Variants in LMO7 observed in about 807,000 individuals in gnomAD.
LMO7 encodes LIM domain 7, also known as LIM domain only protein 7.
Under a neutral mutation model 206.5 loss-of-function variants are expected in LMO7, and 120 were observed. The ratio of observed to expected loss-of-function variants is 0.58; its 90% confidence interval spans 0.50 to 0.68. LMO7 has a LOEUF of 0.68. Among genes scored for constraint, LMO7 ranks in the 30% least tolerant of loss-of-function variants. The pLI, the probability that LMO7 is intolerant of heterozygous loss-of-function variation, is 0.00. For missense variants in LMO7, 1,959 were observed against 1,957.9 expected, an observed-to-expected ratio of 1.00 and a Z score of -0.01; for synonymous variants, 706 against 681.5, an observed-to-expected ratio of 1.04 and a Z score of -0.56.
intron 27 of LMO7, among the ~76,000 whole-genome samples, chr13:75,850,098 A>G (rs2060363768): frequency 6.6e-6 from 1 of 152,212 alleles, no homozygotes. Flanking sequence ...AGCCTGGATG[A>G]CGGAGCAAGA....
intron 2 of LMO7, among the ~76,000 whole-genome samples, chr13:75,717,340 G>T (rs1172552929): frequency 2.8e-5 from 4 of 143,874 alleles, no homozygotes; most frequent in Admixed American, 1.4e-4. Context: ...TCCAGCCTGG[G>T]CAACAGAGTG....
chr13:75,699,835 G>T (rs540890812), intron 1 of LMO7, among the ~76,000 whole-genome samples: 9 of 152,138 alleles, frequency 5.9e-5, no homozygotes, highest in Non-Finnish European at 1.2e-4. Context: ...ACTAGAATTC[G>T]CCAGGCTGGA....
intron 1 of LMO7, among the ~76,000 whole-genome samples, chr13:75,678,548 T>C (rs1566301530): frequency 6.6e-6 from 1 of 152,148 alleles, no homozygotes; most frequent in African/African-American, 2.4e-5. Context: ...ATGGTGGCCC[T>C]TGAGAGATGG....
At chr13:75,781,687 C>A (rs1176265104) in intron 4 of LMO7, among the ~76,000 whole-genome samples, 1 of 150,402 alleles carries the variant, frequency 6.6e-6, no homozygotes, top group Non-Finnish European at 1.5e-5. Flanking sequence ...GTTCTAGATC[C>A]CTGAGGAATC....
chr13:75,716,004 C>T (rs2043501016), intron 2 of LMO7, among the ~76,000 whole-genome samples: 1 of 152,190 alleles, frequency 6.6e-6, no homozygotes, highest in Non-Finnish European at 1.5e-5. Context: ...AACCTGAATT[C>T]ATTTTCGTAC....
chr13:75,664,735 G>T (rs1340172378), intron 1 of LMO7, among the ~76,000 whole-genome samples: 11 of 152,192 alleles, frequency 7.2e-5, no homozygotes, highest in Non-Finnish European at 1.5e-4. Flanking sequence ...TAACTGGTGT[G>T]AGATGATCTC....
intron 1 of LMO7, among the ~76,000 whole-genome samples, chr13:75,681,679 GA>G (rs1184167678): frequency 2.3e-5 from 3 of 131,216 alleles, no homozygotes; most frequent in Non-Finnish European, 4.8e-5. Context: ...GTCTTTTGGG[GA>G]ATGTCATGTA....
chr13:75,738,240 C>T (rs1225214673), intron 3 of LMO7, among the ~76,000 whole-genome samples: 2 of 152,262 alleles, frequency 1.3e-5, no homozygotes, highest in Admixed American at 6.5e-5. Flanking sequence ...TTACTCCTTT[C>T]TTACATCCTT....
chr13:75,852,745 G>C (rs769045815), intron 27 of LMO7, among the ~76,000 whole-genome samples: 2 of 152,178 alleles, frequency 1.3e-5, no homozygotes, highest in African/African-American at 2.4e-5. Context: ...TTGTATACTT[G>C]ACACTTTGTT....
At chr13:75,797,329 G>A (rs1047740030) in intron 6 of LMO7, among the ~76,000 whole-genome samples, 3 of 152,154 alleles carry the variant, frequency 2.0e-5, no homozygotes, top group Non-Finnish European at 4.4e-5. Context: ...TTCATATTTT[G>A]CAATCAATGT....
intron 1 of LMO7, among the ~76,000 whole-genome samples, chr13:75,702,552 C>G (rs1405544779): frequency 6.6e-6 from 1 of 152,076 alleles, no homozygotes; most frequent in Non-Finnish European, 1.5e-5. Flanking sequence ...AGTACAATGC[C>G]AAATCTTAAT....
chr13:75,846,728 A>G (rs1354799353), intron 26 of LMO7, among the ~76,000 whole-genome samples: 31 of 152,188 alleles, frequency 2.0e-4, no homozygotes, highest in Non-Finnish European at 2.8e-4. Context: ...AAGCTCTTGG[A>G]TAGCAGGCAG....
intron 29 of LMO7, 70 bp from the exon 30 acceptor site, chr13:75,856,436 C>G (rs769206297): frequency 2.5e-5 from 22 of 867,044 alleles, no homozygotes; most frequent in East Asian, 7.3e-5. Flanking sequence ...ATTTCCCCCC[C>G]ACCCCCAGGA....
intron 1 of LMO7, among the ~76,000 whole-genome samples, chr13:75,690,500 T>C (rs1316296833): frequency 6.6e-6 from 1 of 152,196 alleles, no homozygotes; most frequent in African/African-American, 2.4e-5. Flanking sequence ...CACCAATGTA[T>C]TTGAATAAAT....
At chr13:75,827,145 T>C (rs2058191492) in intron 15 of LMO7, among the ~76,000 whole-genome samples, 1 of 152,188 alleles carries the variant, frequency 6.6e-6, no homozygotes, top group Non-Finnish European at 1.5e-5. Flanking sequence ...CTTTGTACAT[T>C]CTTACACATA....
intron 3 of LMO7, among the ~76,000 whole-genome samples, chr13:75,730,582 C>G (rs1422375312): frequency 6.7e-6 from 1 of 149,918 alleles, no homozygotes; most frequent in Non-Finnish European, 1.5e-5. Context: ...AAAACCAGCT[C>G]CTGGATTCAT....
At chr13:75,718,003 G>C (rs527909949) in intron 2 of LMO7, among the ~76,000 whole-genome samples, 2 of 152,132 alleles carry the variant, frequency 1.3e-5, no homozygotes, top group Non-Finnish European at 2.9e-5. Context: ...TCCATGTTAT[G>C]TGATAGCCCA....
At chr13:75,760,566 C>T in intron 3 of LMO7, 1 of 1,340,248 alleles carries the variant, frequency 7.5e-7, no homozygotes, top group Non-Finnish European at 9.5e-7. Context: ...AGAGGTGAGG[C>T]TTGCCGTGCA....
chr13:75,786,989 G>A (rs2052545673), intron 4 of LMO7, among the ~76,000 whole-genome samples: 1 of 152,050 alleles, frequency 6.6e-6, no homozygotes, highest in African/African-American at 2.4e-5. Flanking sequence ...TTTCTGGTTG[G>A]GATCTGTTTA....
Sources: gnomAD v4.1 joint callset for allele counts (sites outside exome capture counted in the v4.1 genomes callset) on GRCh38, gnomAD v4.1.1 for gene constraint, MANE v1.5 for transcripts, NCBI Gene and HGNC (gene_info 2026-07-23, HGNC 2026-07-21) for gene names.